DDI2: variants seen among roughly 807,000 people sequenced by gnomAD.
DDI2 encodes DDI proteasomal shuttling factor 2, also known as protein DDI1 homolog 2.
Under a neutral mutation model 48.1 loss-of-function variants are expected in DDI2, and 5 were observed. The observed-to-expected ratio is 0.10, with a 90% CI of 0.05 to 0.22. The LOEUF is 0.22. DDI2 is among the 10% of genes least tolerant of loss of function. DDI2 has a pLI of 1.00. For synonymous variants in DDI2, 205 were observed against 183.6 expected (o/e 1.12, Z -0.94); for missense variants, 285 against 506.2 (o/e 0.56, Z 4.19).
chr1:15,631,837 ACT>A (rs1316726098), intron 3 of DDI2, among the ~76,000 whole-genome samples: 1 of 148,108 alleles, frequency 6.8e-6, no homozygotes, highest in Non-Finnish European at 1.5e-5. Context: ...ACGGAGTTTC[ACT>A]CTGTCTCCCA....
chr1:15,651,707 G>C lies in DDI2; in HGVS notation c.995G>C (p.Cys332Ser). Residue 332 changes from cysteine to serine, a missense_variant and splice_region_variant, in exon 8 of 10, where the codon TGT (cysteine) becomes TCT (serine). Transcript: ENST00000480945. ...LGLDMLKRHQ[C>S]SIDLKKNVLV... ...ATTCTTTGGTTTCTTTCTTCCAAGT[G>C]TTCCATCGACCTGAAGAAAAATGTA... 2 of 1,598,308 alleles carry C rather than the reference G, an allele frequency of 1.3e-6. No homozygotes were observed. The highest frequency in any genetic ancestry group is 1.7e-6 in the Non-Finnish European group (2 of 1,174,124).
intron 8 of DDI2, among the ~76,000 whole-genome samples, chr1:15,654,974 G>A (rs1208972384): frequency 6.8e-6 from 1 of 147,516 alleles, no homozygotes; most frequent in Non-Finnish European, 1.5e-5. Context: ...CACAGTCTTG[G>A]TGCCATTATT....
At position 15,633,453 on chromosome 1, in the gene DDI2, G is replaced by C. The variant is rs551131914; in HGVS notation, c.520G>C (p.Val174Leu). 6.2e-7 allele frequency: 1 copy of C among 1,613,116 alleles called. No homozygotes were observed. Among genetic ancestry groups the C allele is most frequent in the African/African-American group, 1.3e-5 (1 of 75,004 alleles). ...LSGDLEKFSR[V>L]LVEQQQDRAR... is the part of the protein sequence containing the mutation. ...TATTTTTGTAGAGAAATTTTCTAGA[G>C]TCCTGGTGGAGCAGCAGCAGGACCG... Residue 174 changes from valine (V) to leucine (L), a missense_variant, in exon 4 of 10, where the codon GTC becomes CTC. Physicochemically the swap from Val to Leu is conservative, Grantham distance 32 (BLOSUM62 1). Coordinates refer to ENST00000480945, the MANE Select transcript of DDI2 (RefSeq NM_032341.5).
chr1:15,624,753 A>T (rs532856005), intron 1 of DDI2, among the ~76,000 whole-genome samples: 1 of 152,182 alleles, frequency 6.6e-6, no homozygotes, highest in Admixed American at 6.5e-5. Context: ...TGTGGGAGTT[A>T]TATCCTACTA....
chr1:15,632,764 T>C (rs1277145437), intron 3 of DDI2, among the ~76,000 whole-genome samples: 2 of 151,716 alleles, frequency 1.3e-5, no homozygotes, highest in African/African-American at 4.9e-5. Context: ...TGTTTCTAGG[T>C]AGTAGGATAA....
At chr1:15,641,651 A>G (rs1424820027) in intron 5 of DDI2, among the ~76,000 whole-genome samples, 1 of 151,544 alleles carries the variant, frequency 6.6e-6, no homozygotes, top group Admixed American at 6.6e-5. Context: ...GCTGATCACT[A>G]TGGTTAGAAG....
At position 15,663,768 on chromosome 1, in the gene DDI2, C is replaced by T. The variant is rs1156310247; in HGVS notation, c.*3978C>T. 1.4e-5 allele frequency: 2 copies of T among 140,118 alleles called. No individual in the cohort carries two copies. The highest frequency in any genetic ancestry group is 3.1e-5 in the Non-Finnish European group (2 of 64,580). The allele number at this position is 140,118 out of a possible 1,614,324, so 8.7% of individuals were successfully genotyped here. A position where few individuals can be genotyped will look rare whatever the true frequency, so the allele number is the denominator to read the frequency against. ...TGGTGGTTTGGGAATGTATTCTAAG[C>T]TTATAAATCTTTGGAACCACGGGGT... On this transcript the variant is annotated 3_prime_UTR_variant, in exon 10 of 10. Coordinates refer to ENST00000480945, the MANE Select transcript of DDI2 (RefSeq NM_032341.5).
intron 3 of DDI2, among the ~76,000 whole-genome samples, chr1:15,632,005 C>G (rs1639853740): frequency 6.6e-6 from 1 of 151,834 alleles, no homozygotes; most frequent in Non-Finnish European, 1.5e-5. Flanking sequence ...TGGGTTTCAC[C>G]ATGTTGGCCA....
chr1:15,626,511 G>A (rs1048647314), intron 1 of DDI2, among the ~76,000 whole-genome samples, 158 bp from the exon 2 acceptor site: 1 of 152,232 alleles, frequency 6.6e-6, no homozygotes, highest in African/African-American at 2.4e-5. Context: ...CCTGCTAGGT[G>A]ACGGGAAGGA....
chr1:15,665,574 A>G lies in DDI2; in HGVS notation c.*5784A>G, dbSNP rs990083868. On this transcript the variant is annotated 3_prime_UTR_variant, in exon 10 of 10. Transcript: ENST00000480945. ...CCATAAAAATTTAGGTTAACTTTTA[A>G]GCTCATGTCTATATATATGTGTGTA... 1.3e-5 allele frequency: 2 copies of G among 152,202 alleles called. No individual in the cohort carries two copies. Among genetic ancestry groups the G allele is most frequent in the African/African-American group, 4.8e-5 (2 of 41,440 alleles). The allele number at this position is 152,202 out of a possible 1,614,324, so 9.4% of individuals were successfully genotyped here.
rs533088478 is a variant in DDI2 at position 15,659,982 on chromosome 1, C to T, written c.*192C>T. Reference sequence around the variant, plus strand: ...CTCGCTCTGTCTCTGCTTCAGTCTGCCCTATCAAGCCCAGTGACTCAGATC... The same window carrying T: ...CTCGCTCTGTCTCTGCTTCAGTCTGTCCTATCAAGCCCAGTGACTCAGATC... On this transcript the variant is annotated 3_prime_UTR_variant, in exon 10 of 10. Transcript: ENST00000480945. The T allele has an allele frequency of 1.1e-4, 184 of 1,614,174 alleles. 2 individuals carry two copies. In the South Asian group the frequency reaches 1.9e-3, roughly 17 times the overall value.
chr1:15,656,746 C>T (rs966055368), intron 9 of DDI2, 67 bp downstream of exon 9: 17 of 1,601,508 alleles, frequency 1.1e-5, no homozygotes, highest in Non-Finnish European at 1.4e-5. Flanking sequence ...TCTGTATCCG[C>T]AGCAGTTTGG....
rs746374554 is a variant in DDI2, at chr1:15,630,406, A to T, written c.350A>T (p.Gln117Leu). Residue 117 changes from glutamine to leucine, a missense_variant, in exon 3 of 10, where the codon CAG becomes CTG. This residue lies in a region of DDI2 where 149 missense variants were observed against 236.5 expected (regional missense o/e 0.63). Coordinates refer to ENST00000480945, the MANE Select transcript of DDI2 (RefSeq NM_032341.5). The part of the protein sequence containing the change: ...PRQRQPPGTQ[Q>L]SHSSPGEITS... The stretch of plus-strand genomic sequence containing the variant: ...CAGCGCCAGCCACCAGGAACACAGC[A>T]GTCCCACTCATCTCCTGGAGAAATA... 1.2e-4 allele frequency: 196 copies of T among 1,614,144 alleles called. No individual in the cohort carries two copies. Among genetic ancestry groups the T allele is most frequent in the Non-Finnish European group, 1.6e-4 (190 of 1,180,060 alleles).
rs1419869948 is a variant in DDI2 at position 15,644,617 on chromosome 1, G to A, written c.889+967G>A. 7.4e-5 allele frequency among the ~76,000 whole-genome samples: 8 copies of A among 108,178 alleles called. No individual in the cohort carries two copies. In the East Asian group the frequency reaches 7.8e-4, roughly 10 times the overall value. The allele number at this position is 108,178 out of a possible 152,430, so 71.0% of individuals were successfully genotyped here. On this transcript the variant is annotated intron_variant, in intron 6 of 9. Coordinates refer to ENST00000480945, the MANE Select transcript of DDI2 (RefSeq NM_032341.5). ...TTTTTTTTTTTTTTTTTTTTGAGAC[G>A]GAGTCTCACTCTGTCGCCCAGGCTG...
chr1:15,660,446 T>C lies in DDI2; in HGVS notation c.*656T>C, dbSNP rs1480889972. 1 of 1,614,108 alleles carries C rather than the reference T, an allele frequency of 6.2e-7. No individual in the cohort carries two copies. Among genetic ancestry groups the C allele is most frequent in the Non-Finnish European group, 8.5e-7 (1 of 1,180,030 alleles). On this transcript the variant is annotated 3_prime_UTR_variant, in exon 10 of 10. Coordinates refer to ENST00000480945, the MANE Select transcript of DDI2 (RefSeq NM_032341.5). ...CATGACCAAGAATATCTTTGTAACA[T>C]AGGGGACCTTGAGCTTCCTGAAGAA...
intron 4 of DDI2, among the ~76,000 whole-genome samples, chr1:15,634,694 G>T (rs188322529): frequency 6.6e-6 from 1 of 151,604 alleles, no homozygotes; most frequent in Non-Finnish European, 1.5e-5. Context: ...ACCACGCCCA[G>T]CTAATTTTTT....
At chr1:15,653,432 A>G (rs1021839201) in intron 8 of DDI2, among the ~76,000 whole-genome samples, 1 of 152,050 alleles carries the variant, frequency 6.6e-6, no homozygotes, top group Admixed American at 6.6e-5. Context: ...ATGAGCCACC[A>G]TGCCTCTTAG....
In DDI2 at chr1:15,633,507, C is replaced by T; in HGVS notation, c.574C>T (p.Leu192=). Residue 192 remains leucine, a synonymous_variant, in exon 4 of 10, where the codon CTG becomes TTG. Transcript: ENST00000480945. ...CCGGAGAGAGCAAGAAAGGATTCGT[C>T]TGTTTTCTGCTGATCCCTTTGACCT... is the stretch of plus-strand genomic sequence containing the variant. The part of the protein sequence containing the change: ...RARREQERIR[L]FSADPFDLEA... 1 of 1,613,800 alleles carries T rather than the reference C, an allele frequency of 6.2e-7. No individual in the cohort carries two copies. The highest frequency in any genetic ancestry group is 8.5e-7 in the Non-Finnish European group (1 of 1,179,788).
At chr1:15,632,019 T>G (rs1639853887) in intron 3 of DDI2, among the ~76,000 whole-genome samples, 1 of 151,608 alleles carries the variant, frequency 6.6e-6, no homozygotes, top group Non-Finnish European at 1.5e-5. Context: ...TTGGCCAGGC[T>G]GGTCTCAAAC....
Sources: allele counts gnomAD v4.1 joint callset (sites outside exome capture counted in the v4.1 genomes callset), GRCh38; gene constraint gnomAD v4.1.1; regional missense constraint gnomAD v4.1.1; transcripts MANE v1.5; gene names NCBI Gene and HGNC (gene_info 2026-07-23, HGNC 2026-07-21).